Variants in CDH12 observed in about 807,000 individuals in gnomAD.
CDH12 encodes the protein cadherin 12, also known as cadherin-12.
In CDH12, 41 loss-of-function variants were observed where a neutral mutation model predicts 74.1. The observed-to-expected ratio is 0.55, with a 90% CI of 0.43 to 0.72. CDH12 has a LOEUF of 0.72. Among genes scored for constraint, CDH12 ranks in the 30% least tolerant of loss-of-function variants. The pLI is 0.00. For missense variants in CDH12, 945 were observed against 977.2 expected, an observed-to-expected ratio of 0.97 and a Z score of 0.44; for synonymous variants, 399 against 355.0, an observed-to-expected ratio of 1.12 and a Z score of -1.39.
intron 6 of CDH12, among the ~76,000 whole-genome samples, chr5:21,891,084 A>G (rs1261531808): frequency 6.6e-6 from 1 of 152,144 alleles, no homozygotes; most frequent in Non-Finnish European, 1.5e-5. Flanking sequence ...ATACCTTTCC[A>G]AAGGAATGAC....
At chr5:22,735,234 A>G (rs1019823714) in intron 1 of CDH12, among the ~76,000 whole-genome samples, 4 of 151,984 alleles carry the variant, frequency 2.6e-5, no homozygotes, top group Admixed American at 2.0e-4. Flanking sequence ...TGGCTATAGG[A>G]GCAGTATTGT....
chr5:22,818,796 T>A lies in CDH12; in HGVS notation c.-523+34262A>T, dbSNP rs566428055. Among the ~76,000 whole-genome samples, 5 of 152,264 alleles carry A rather than the reference T, an allele frequency of 3.3e-5. No homozygotes were observed. The East Asian group carries it at 9.6e-4, about 29-fold the overall frequency. ...CTTGGGGTTGTTTCTGAAATATGCC[T>A]AGAAAAGGAAATCCATTGGTTGCTT... On this transcript the variant is annotated intron_variant, in intron 1 of 14. Transcript: ENST00000382254.
At chr5:22,575,207 T>G (rs1295927608) in intron 1 of CDH12, among the ~76,000 whole-genome samples, 1 of 152,100 alleles carries the variant, frequency 6.6e-6, no homozygotes, top group East Asian at 1.9e-4. Flanking sequence ...GCTTAAGCAT[T>G]TGATACAGAC....
At chr5:22,717,707 T>G (rs1473563561) in intron 1 of CDH12, among the ~76,000 whole-genome samples, 2 of 152,158 alleles carry the variant, frequency 1.3e-5, no homozygotes, top group Non-Finnish European at 2.9e-5. Context: ...TAGTAAGGTG[T>G]GTGTGTTTGA....
Position 22,395,728 on chromosome 5 carries a change from T to C in CDH12, c.-333+9529A>G, listed in dbSNP as rs372338019. On this transcript the variant is annotated intron_variant, in intron 3 of 14. Transcript: ENST00000382254. ...AATGCCAGTCCTGGAGAAATAAATG[T>C]AGGGAACATCGCCACGTAGATGATA... 2.0e-5 allele frequency among the ~76,000 whole-genome samples: 3 copies of C among 152,256 alleles called. No individual in the cohort carries two copies. In the East Asian group the frequency reaches 5.8e-4, roughly 29 times the overall value.
intron 4 of CDH12, among the ~76,000 whole-genome samples, chr5:22,136,455 C>T (rs1404687389): frequency 6.6e-6 from 1 of 151,934 alleles, no homozygotes; most frequent in Non-Finnish European, 1.5e-5. Flanking sequence ...GGGTAGCGTG[C>T]ATCAAAGACA....
intron 1 of CDH12, among the ~76,000 whole-genome samples, chr5:22,661,968 ATTCTTTGT>A (rs1561559873): frequency 2.0e-5 from 3 of 148,878 alleles, no homozygotes; most frequent in South Asian, 2.2e-4. Flanking sequence ...ATATACCATA[ATTCTTTGT>A]TTCTTTGTTT....
At chr5:21,804,110 C>G (rs1747292254) in intron 9 of CDH12, among the ~76,000 whole-genome samples, 1 of 151,886 alleles carries the variant, frequency 6.6e-6, no homozygotes, top group Admixed American at 6.6e-5. Flanking sequence ...TTTCTTTTTA[C>G]TTTTCTATAT....
In CDH12 at chr5:22,632,139, A is replaced by G. The variant is rs144274043; in HGVS notation, c.-522-126775T>C. Among the ~76,000 whole-genome samples the G allele has an allele frequency of 4.6e-3, 696 of 152,228 alleles. 4 individuals carry two copies. Among genetic ancestry groups the G allele is most frequent in the African/African-American group, 0.016 (657 of 41,550 alleles). On this transcript the variant is annotated intron_variant, in intron 1 of 14. Transcript: ENST00000382254. ...TGCTTATTACCTGGGTGACAAAATA[A>G]TCTGTACACCAAACCCCCATGGCAC...
intron 5 of CDH12, among the ~76,000 whole-genome samples, chr5:21,987,787 G>A (rs1209921457): frequency 1.3e-5 from 2 of 152,044 alleles, no homozygotes; most frequent in Non-Finnish European, 2.9e-5. Flanking sequence ...ACACATACTA[G>A]GGAAAAGCAT....
At chr5:22,114,743 G>T (rs898629448) in intron 4 of CDH12, among the ~76,000 whole-genome samples, 1 of 152,088 alleles carries the variant, frequency 6.6e-6, no homozygotes, top group Non-Finnish European at 1.5e-5. Context: ...TTGAAGCCAC[G>T]TTATGTCAGA....
chr5:22,686,228 T>A (rs1296518601), intron 1 of CDH12, among the ~76,000 whole-genome samples: 2 of 152,126 alleles, frequency 1.3e-5, no homozygotes, highest in African/African-American at 4.8e-5. Flanking sequence ...CCAGTTTCAA[T>A]TTTTTGTCTT....
At chr5:22,770,290 C>T (rs1746739776) in intron 1 of CDH12, among the ~76,000 whole-genome samples, 1 of 152,212 alleles carries the variant, frequency 6.6e-6, no homozygotes, top group East Asian at 1.9e-4. Flanking sequence ...GAAAAGCAAA[C>T]AGGATTGGCA....
At chr5:21,931,282 A>T (rs1000918971) in intron 6 of CDH12, among the ~76,000 whole-genome samples, 1 of 152,190 alleles carries the variant, frequency 6.6e-6, no homozygotes, top group African/African-American at 2.4e-5. Context: ...TAGAAAAAAA[A>T]ATAGAACATT....
chr5:22,798,919 A>G (rs1370893718), intron 1 of CDH12, among the ~76,000 whole-genome samples: 2 of 152,112 alleles, frequency 1.3e-5, no homozygotes, highest in African/African-American at 2.4e-5. Context: ...GTTTGAGATC[A>G]GCCTGGCCAG....
chr5:22,292,709 C>G (rs1006499984), intron 3 of CDH12, among the ~76,000 whole-genome samples: 3 of 151,896 alleles, frequency 2.0e-5, no homozygotes, highest in Non-Finnish European at 2.9e-5. Context: ...AGACATCATA[C>G]CTGTTACTGT....
At chr5:22,417,360 A>G (rs1743441698) in intron 2 of CDH12, among the ~76,000 whole-genome samples, 1 of 152,126 alleles carries the variant, frequency 6.6e-6, no homozygotes, top group African/African-American at 2.4e-5. Flanking sequence ...CATTGATGCA[A>G]TTACTGGGGG....
At chr5:21,783,974 A>T (rs1193417584) in intron 10 of CDH12, among the ~76,000 whole-genome samples, 2 of 152,150 alleles carry the variant, frequency 1.3e-5, no homozygotes, top group African/African-American at 4.8e-5. Context: ...TTAACTGACA[A>T]TTTGGTAATT....
chr5:21,874,910 T>C (rs7443793), intron 6 of CDH12, among the ~76,000 whole-genome samples: 145,360 of 152,228 alleles, frequency 0.95, 69,786 homozygotes, highest in Non-Finnish European at 1. Context: ...TCCTTGGAAT[T>C]CTTGAGGACA....
Sources: gnomAD v4.1 joint callset for allele counts (sites outside exome capture counted in the v4.1 genomes callset) on GRCh38, gnomAD v4.1.1 for gene constraint, MANE v1.5 for transcripts, NCBI Gene and HGNC (gene_info 2026-07-23, HGNC 2026-07-21) for gene names.